The following GALNT15 variants were observed in gnomAD, a reference collection of about 807,000 sequenced individuals.
The protein encoded by GALNT15 is UDP-GalNAc transferase T15.
Under a neutral mutation model 66.8 loss-of-function variants are expected in GALNT15, and 67 were observed. The observed-to-expected ratio is 1.00, with a 90% CI of 0.82 to 1.23. The LOEUF (loss-of-function observed/expected upper bound fraction) is 1.23, where lower values mean the gene tolerates loss of function less well. Among genes scored for constraint, GALNT15 ranks in the 50% most tolerant of loss-of-function variants. The probability of loss-of-function intolerance (pLI) is 0.00; values close to 1 mark genes in which losing one functional copy is unlikely to be tolerated. For missense variants in GALNT15, 827 were observed against 804.3 expected (o/e 1.03, Z -0.34); for synonymous variants, 313 against 311.5 (o/e 1.00, Z -0.05).
At chr3:16,245,708 G>A in the GALNT15 span, among the ~76,000 whole-genome samples, 1 of 152,208 alleles carries the variant, frequency 6.6e-6, no homozygotes, top group Non-Finnish European at 1.5e-5. Context: ...GAAGGGCAGG[G>A]GTGCAGCTGG....
chr3:16,231,796 G>A (rs1169540252), downstream of GALNT15: 2 of 1,535,976 alleles, frequency 1.3e-6, no homozygotes, highest in Admixed American at 3.9e-5. The surrounding 1 kb of genome is among the most constrained non-coding windows in gnomAD (Gnocchi z 4.1). Flanking sequence ...CTCTCAGGAT[G>A]AGAACAGGGC....
Position 16,183,424 on chromosome 3 carries a change from G to A in GALNT15, c.539+7734G>A, listed in dbSNP as rs2124841789. ...GTGCCACCAATTACAGGCAAGCTAG[G>A]ATTTTCTTGCAATGGAGGAACTTGG... On this transcript the variant is annotated intron_variant, in intron 1 of 9. Transcript: ENST00000339732. This position sits in a 1 kb window ranked among gnomAD's most constrained non-coding sequence, Gnocchi z 5.2. Among the ~76,000 whole-genome samples the A allele has an allele frequency of 6.6e-6, 1 of 152,346 alleles. No homozygotes were observed. The highest frequency in any genetic ancestry group is 1.5e-5 in the Non-Finnish European group (1 of 68,044).
At chr3:16,201,984 T>G (rs1404583157) in intron 3 of GALNT15, among the ~76,000 whole-genome samples, 1 of 152,208 alleles carries the variant, frequency 6.6e-6, no homozygotes, top group African/African-American at 2.4e-5. Context: ...ACAGGACCAA[T>G]GCTAGAACCA....
intron 9 of GALNT15, 60 bp downstream of exon 9, chr3:16,222,818 G>A: frequency 6.3e-7 from 1 of 1,586,740 alleles, no homozygotes; most frequent in Non-Finnish European, 8.6e-7. Context: ...ACTGCTGGTT[G>A]GCATTGGATC....
chr3:16,217,371 T>C (rs2063890362), intron 6 of GALNT15, among the ~76,000 whole-genome samples: 1 of 152,208 alleles, frequency 6.6e-6, no homozygotes, highest in Non-Finnish European at 1.5e-5. Flanking sequence ...GGGCTCCTTT[T>C]ATTTCTCTCT....
intron 6 of GALNT15, among the ~76,000 whole-genome samples, chr3:16,215,099 AG>A (rs544767229): frequency 7.3e-4 from 111 of 152,352 alleles, no homozygotes; most frequent in Admixed American, 2.0e-3. Context: ...TCCACCAGAC[AG>A]GGTCATTAGG....
At chr3:16,226,594 T>G (rs1325129231) in intron 9 of GALNT15, among the ~76,000 whole-genome samples, 1 of 151,726 alleles carries the variant, frequency 6.6e-6, no homozygotes, top group Non-Finnish European at 1.5e-5. Flanking sequence ...TTGTGAGAAC[T>G]CTATCAAGAA....
chr3:16,207,553 A>C lies in GALNT15; in HGVS notation c.912-950A>C, dbSNP rs2063770920. Among the ~76,000 whole-genome samples, 2 of 85,938 alleles carry C rather than the reference A, an allele frequency of 2.3e-5. 1 individual carries two copies. The highest frequency in any genetic ancestry group is 5.0e-5 in the Non-Finnish European group (2 of 39,876). The allele number at this position is 85,938 out of a possible 152,430, so 56.4% of individuals were successfully genotyped here. A position where few individuals can be genotyped will look rare whatever the true frequency, so the allele number is the denominator to read the frequency against. ...AAAAAAAAAAAAAAAATTGGGCCTAAAATTCCCCACCATTACCGGGAAATG... is the reference window on the plus strand; with the variant it reads ...AAAAAAAAAAAAAAAATTGGGCCTACAATTCCCCACCATTACCGGGAAATG... On this transcript the variant is annotated intron_variant, in intron 3 of 9. Coordinates refer to ENST00000339732, the MANE Select transcript of GALNT15 (RefSeq NM_054110.5).
rs1393467160 is a variant in GALNT15, at chr3:16,183,652, T to G, written c.539+7962T>G. On this transcript the variant is annotated intron_variant, in intron 1 of 9. Transcript: ENST00000339732. The surrounding 1 kb of genome is among the most constrained non-coding windows in gnomAD (Gnocchi z 5.2). Reference sequence around the variant, plus strand: ...ACAAGCAAACAGGCTGGTACATCAGTGGGATCAGGGCTGAGATAGAGAAGC... The same window carrying G: ...ACAAGCAAACAGGCTGGTACATCAGGGGGATCAGGGCTGAGATAGAGAAGC... Among the ~76,000 whole-genome samples the G allele has an allele frequency of 1.3e-5, 2 of 152,156 alleles. No individual in the cohort carries two copies. Among genetic ancestry groups the G allele is most frequent in the Non-Finnish European group, 2.9e-5 (2 of 68,010 alleles).
At chr3:16,247,765 A>G in the GALNT15 span, among the ~76,000 whole-genome samples, 1 of 152,226 alleles carries the variant, frequency 6.6e-6, no homozygotes, top group Admixed American at 6.5e-5. Flanking sequence ...TTGACCTCTC[A>G]GCATTTCCAG....
In GALNT15 at chr3:16,204,911, A is replaced by C. The variant is rs1053191865; in HGVS notation, c.912-3592A>C. ...TGTGAGTCAGTGTGTGTGTGTAAGC[A>C]TGTGAGAGTCTGAGTGTGGGGGGGA... On this transcript the variant is annotated intron_variant, in intron 3 of 9. Coordinates refer to ENST00000339732, the MANE Select transcript of GALNT15 (RefSeq NM_054110.5). This position sits in a 1 kb window ranked among gnomAD's most constrained non-coding sequence, Gnocchi z 4.5. 1.3e-5 allele frequency among the ~76,000 whole-genome samples: 2 copies of C among 152,162 alleles called. No homozygotes were observed. Among genetic ancestry groups the C allele is most frequent in the Non-Finnish European group, 2.9e-5 (2 of 68,026 alleles).
rs1574989211 is a variant in GALNT15, at chr3:16,211,486, T to G, written c.1197+245T>G. The stretch of plus-strand genomic sequence containing the variant: ...TTCCAGGAATAGGCATACTCTCAGT[T>G]ATTTTAACTGCTGTGCGGAGATTCC... On this transcript the variant is annotated intron_variant, in intron 5 of 9. Transcript: ENST00000339732. The surrounding 1 kb of genome is among the most constrained non-coding windows in gnomAD (Gnocchi z 4.3). 1.3e-5 allele frequency among the ~76,000 whole-genome samples: 2 copies of G among 152,366 alleles called. No homozygotes were observed. Among genetic ancestry groups the G allele is most frequent in the Admixed American group, 1.3e-4 (2 of 15,312 alleles).
chr3:16,246,215 C>A, the GALNT15 span, among the ~76,000 whole-genome samples: 73 of 152,278 alleles, frequency 4.8e-4, no homozygotes, highest in African/African-American at 1.6e-3. Context: ...TCTTCACACA[C>A]CCTCCACTCA....
rs1449916222 is a variant in GALNT15 at position 16,225,330 on chromosome 3, ATCAAC to A, written c.1774-2022_1774-2018del. 6.6e-6 allele frequency among the ~76,000 whole-genome samples: 1 copy of A among 152,240 alleles called. No homozygotes were observed. The highest frequency in any genetic ancestry group is 1.5e-5 in the Non-Finnish European group (1 of 68,048). ...TAGGGAGGACCAACATCCAAACTAT[ATCAAC>A]TACTAAACTTTACACTTAAAAATGC... On this transcript the variant is annotated intron_variant, in intron 9 of 9. Transcript: ENST00000339732. The surrounding 1 kb of genome is among the most constrained non-coding windows in gnomAD (Gnocchi z 4.4).
chr3:16,175,420 T>C lies in GALNT15; in HGVS notation c.269T>C (p.Leu90Pro), dbSNP rs1455356829. ...GAGGGCCTGCCACCCTTTATCTCAC[T>C]GCGGGAGGATCAGCTGCTGGTGGCC... is the stretch of plus-strand genomic sequence containing the variant. Reference protein sequence around the residue: ...PLEGLPPFISLREDQLLVAVA... With the variant: ...PLEGLPPFISPREDQLLVAVA... Residue 90 changes from leucine to proline, a missense_variant, in exon 1 of 10, where the codon CTG (leucine) becomes CCG (proline). Coordinates refer to ENST00000339732, the MANE Select transcript of GALNT15 (RefSeq NM_054110.5). This position sits in a 1 kb window ranked among gnomAD's most constrained non-coding sequence, Gnocchi z 5.6. 2 of 1,614,008 alleles carry C rather than the reference T, an allele frequency of 1.2e-6. No individual in the cohort carries two copies. The highest frequency in any genetic ancestry group is 2.7e-5 in the African/African-American group (2 of 74,900).
the GALNT15 span, among the ~76,000 whole-genome samples, chr3:16,244,164 A>G: frequency 6.6e-6 from 1 of 152,164 alleles, no homozygotes; most frequent in African/African-American, 2.4e-5. Flanking sequence ...GAGACGTTTG[A>G]GTGGCTTCTG....
chr3:16,211,311 C>A lies in GALNT15; in HGVS notation c.1197+70C>A. The A allele has an allele frequency of 1.0e-6, 1 of 967,890 alleles. No individual in the cohort carries two copies. The highest frequency in any genetic ancestry group is 1.3e-5 in the South Asian group (1 of 74,790). 60.0% of individuals were successfully genotyped at this position (967,890 alleles called of 1,614,324 possible). A position where few individuals can be genotyped will look rare whatever the true frequency, so the allele number is the denominator to read the frequency against. On this transcript the variant is annotated intron_variant, in intron 5 of 9. Transcript: ENST00000339732. This position sits in a 1 kb window ranked among gnomAD's most constrained non-coding sequence, Gnocchi z 4.3. The stretch of plus-strand genomic sequence containing the variant: ...GGTGTGTATGGTCACAGCTCAGAGG[C>A]AGGCATTAGAAATGTCACTGGGAAG...
chr3:16,242,483 C>T, the GALNT15 span, among the ~76,000 whole-genome samples: 3 of 152,044 alleles, frequency 2.0e-5, no homozygotes, highest in Non-Finnish European at 2.9e-5. This position sits in a 1 kb window ranked among gnomAD's most constrained non-coding sequence, Gnocchi z 5.6. Flanking sequence ...AGGGGCTGAG[C>T]GTGGTGGCTC....
At chr3:16,245,606 T>G in the GALNT15 span, among the ~76,000 whole-genome samples, 4 of 152,220 alleles carry the variant, frequency 2.6e-5, no homozygotes, top group Non-Finnish European at 1.5e-5. Flanking sequence ...AAACTGAAAT[T>G]GAACCGGTTT....
Sources: gnomAD v4.1 joint callset for allele counts (sites outside exome capture counted in the v4.1 genomes callset) on GRCh38, gnomAD v4.1.1 for gene constraint, Gnocchi (gnomAD v3.1) non-coding constraint, MANE v1.5 for transcripts, NCBI Gene and HGNC (gene_info 2026-07-23, HGNC 2026-07-21) for gene names.